Variants in DHRSX observed in about 807,000 individuals in gnomAD.
DHRSX encodes the protein dehydrogenase/reductase X-linked.
Under a neutral mutation model 34.0 loss-of-function variants are expected in DHRSX, and 31 were observed. The observed-to-expected ratio is 0.91, with a 90% CI of 0.69 to 1.23. The LOEUF (loss-of-function observed/expected upper bound fraction) is 1.23, where lower values mean the gene tolerates loss of function less well. Ranked by LOEUF, DHRSX falls within the 50% of genes most tolerant of loss-of-function variation. DHRSX has a pLI of 0.00. For missense variants in DHRSX, 414 were observed against 428.1 expected, an observed-to-expected ratio of 0.97 and a Z score of 0.29; for synonymous variants, 201 against 183.8, an observed-to-expected ratio of 1.09 and a Z score of -0.76.
intron 5 of DHRSX, among the ~76,000 whole-genome samples, chrX:2,265,311 C>T (rs1398286641): frequency 1.5e-3 from 25 of 16,640 alleles, no homozygotes; most frequent in Non-Finnish European, 1.9e-3. Flanking sequence ...GTCCCCAGAG[C>T]ACCAGTGCTC....
At chrX:2,260,045 C>A (rs866809161) in intron 5 of DHRSX, among the ~76,000 whole-genome samples, 9 of 151,910 alleles carry the variant, frequency 5.9e-5, no homozygotes, top group South Asian at 2.1e-4. Flanking sequence ...TAGGGGAGGG[C>A]CCTTCCTGCC....
chrX:2,292,355 G>A (rs2041876790), intron 3 of DHRSX, among the ~76,000 whole-genome samples: 1 of 152,194 alleles, frequency 6.6e-6, no homozygotes, highest in Non-Finnish European at 1.5e-5. Flanking sequence ...GAGCTCCAGA[G>A]AGGACCTCAG....
At chrX:2,465,331 G>C (rs1052863507) in intron 1 of DHRSX, among the ~76,000 whole-genome samples, 2 of 152,138 alleles carry the variant, frequency 1.3e-5, no homozygotes, top group African/African-American at 4.8e-5. Flanking sequence ...TAATTACCAA[G>C]ACATAACAGG....
intron 3 of DHRSX, among the ~76,000 whole-genome samples, chrX:2,305,341 C>T (rs1367723397): frequency 6.6e-6 from 1 of 152,122 alleles, no homozygotes; most frequent in East Asian, 1.9e-4. Flanking sequence ...CAGGAAACAA[C>T]AGATGCTGGA....
intron 3 of DHRSX, among the ~76,000 whole-genome samples, chrX:2,346,150 C>G (rs764308655): frequency 2.1e-4 from 32 of 152,220 alleles, no homozygotes; most frequent in African/African-American, 7.2e-4. Flanking sequence ...AAATTTAACT[C>G]AAATACATGT....
intron 3 of DHRSX, among the ~76,000 whole-genome samples, chrX:2,345,649 C>T (rs939768144): frequency 2.1e-5 from 2 of 93,592 alleles, no homozygotes; most frequent in South Asian, 3.3e-4. Flanking sequence ...GAGTGAAACT[C>T]TGTCTCAAAA....
chrX:2,269,062 T>C (rs1268504562), intron 4 of DHRSX, among the ~76,000 whole-genome samples: 1 of 152,250 alleles, frequency 6.6e-6, no homozygotes, highest in East Asian at 1.9e-4. Flanking sequence ...TGTATATATA[T>C]GTGTTTGCAT....
intron 3 of DHRSX, among the ~76,000 whole-genome samples, chrX:2,326,279 T>C (rs1402367415): frequency 1.3e-5 from 2 of 152,096 alleles, no homozygotes; most frequent in Non-Finnish European, 2.9e-5. Context: ...TCCCAGCACT[T>C]TGGGAGGCCA....
At chrX:2,436,497 TTAC>T (rs781495573) in intron 1 of DHRSX, among the ~76,000 whole-genome samples, 24,828 of 131,368 alleles carry the variant, frequency 0.19, 2,631 homozygotes, top group South Asian at 0.28. Context: ...ATTATTATTA[TTAC>T]TACTACTACT....
chrX:2,441,111 G>A (rs1437553537), intron 1 of DHRSX, among the ~76,000 whole-genome samples: 1 of 152,184 alleles, frequency 6.6e-6, no homozygotes, highest in East Asian at 1.9e-4. Context: ...TGAAGACGGA[G>A]CACGTGTCAG....
chrX:2,352,655 G>A (rs2042802099), intron 3 of DHRSX, among the ~76,000 whole-genome samples: 1 of 152,136 alleles, frequency 6.6e-6, no homozygotes, highest in South Asian at 2.1e-4. Flanking sequence ...TATCAGGGTG[G>A]AAACTCTTTG....
intron 6 of DHRSX, among the ~76,000 whole-genome samples, chrX:2,240,870 A>G (rs1165043189): frequency 6.6e-6 from 1 of 152,116 alleles, no homozygotes; most frequent in Non-Finnish European, 1.5e-5. Context: ...TAGCTCCCAG[A>G]TACATATCAC....
intron 5 of DHRSX, among the ~76,000 whole-genome samples, chrX:2,254,948 C>T (rs779212125): frequency 1.4e-5 from 2 of 141,200 alleles, no homozygotes; most frequent in Non-Finnish European, 3.1e-5. Flanking sequence ...TGCCCCACGC[C>T]CCCCCCCTTT....
At chrX:2,317,209 C>T (rs753129132) in intron 3 of DHRSX, among the ~76,000 whole-genome samples, 36 of 150,244 alleles carry the variant, frequency 2.4e-4, no homozygotes, top group African/African-American at 8.4e-4. Context: ...CCACCCGCCT[C>T]GGCTTCCCAA....
chrX:2,472,042 G>A (rs1359156549), intron 1 of DHRSX, among the ~76,000 whole-genome samples: 2 of 151,788 alleles, frequency 1.3e-5, no homozygotes, highest in East Asian at 3.9e-4. Flanking sequence ...TTACTCAGAA[G>A]GCTGAGGCAG....
At chrX:2,440,712 C>T (rs766176802) in intron 1 of DHRSX, among the ~76,000 whole-genome samples, 1 of 151,994 alleles carries the variant, frequency 6.6e-6, no homozygotes, top group African/African-American at 2.4e-5. Context: ...GGCTCCTGGA[C>T]CTTCGACCAC....
intron 3 of DHRSX, among the ~76,000 whole-genome samples, chrX:2,304,478 A>T (rs1056855924): frequency 2.0e-5 from 3 of 152,136 alleles, no homozygotes; most frequent in African/African-American, 7.2e-5. Context: ...GTAGGGGGAG[A>T]TTGGGTCACG....
chrX:2,365,950 G>A (rs1163641257), intron 3 of DHRSX, among the ~76,000 whole-genome samples: 4 of 152,060 alleles, frequency 2.6e-5, no homozygotes, highest in African/African-American at 4.8e-5. Flanking sequence ...GAACACTAGC[G>A]TTCTATGAAC....
chrX:2,384,250 C>A, intron 3 of DHRSX, among the ~76,000 whole-genome samples: 1 of 152,116 alleles, frequency 6.6e-6, no homozygotes, highest in East Asian at 1.9e-4. Context: ...GGATGGTAGT[C>A]CACTGACTTA....
Sources: allele counts gnomAD v4.1 joint callset (sites outside exome capture counted in the v4.1 genomes callset), GRCh38; gene constraint gnomAD v4.1.1; transcripts MANE v1.5; gene names NCBI Gene and HGNC (gene_info 2026-07-23, HGNC 2026-07-21).